Variants in KDM2B observed in about 807,000 individuals in gnomAD.
The protein encoded by KDM2B is lysine-specific demethylase 2B.
KDM2B carries 26 observed loss-of-function variants against 150.0 expected under a neutral mutation model. The ratio of observed to expected loss-of-function variants is 0.17; its 90% CI spans 0.13 to 0.24. The LOEUF (loss-of-function observed/expected upper bound fraction) is 0.24, where lower values mean the gene tolerates loss of function less well. KDM2B is among the 10% of genes least tolerant of loss of function. The pLI is 1.00. For missense variants in KDM2B, 1,265 were observed against 1,816.9 expected (o/e 0.70, Z 5.52); for synonymous variants, 734 against 729.5 (o/e 1.01, Z -0.10).
chr12:121,559,771 C>T (rs1555313548), intron 4 of KDM2B, among the ~76,000 whole-genome samples: 1 of 151,912 alleles, frequency 6.6e-6, no homozygotes, highest in Non-Finnish European at 1.5e-5. Context: ...GGCATGGTGG[C>T]GCATGCCTGT....
chr12:121,444,659 C>T (rs1243454189), intron 14 of KDM2B, 123 bp from the exon 15 acceptor site: 9 of 776,402 alleles, frequency 1.2e-5, no homozygotes, highest in East Asian at 2.6e-5. Flanking sequence ...ACATCTATCC[C>T]GTTTCCAGGC....
At chr12:121,557,370 T>A (rs544734276) in intron 4 of KDM2B, among the ~76,000 whole-genome samples, 2 of 151,474 alleles carry the variant, frequency 1.3e-5, no homozygotes, top group East Asian at 3.9e-4. Flanking sequence ...CCCGATTAGC[T>A]GGGATTACAG....
At chr12:121,495,430 G>T (rs1883823723) in intron 11 of KDM2B, among the ~76,000 whole-genome samples, 1 of 152,150 alleles carries the variant, frequency 6.6e-6, no homozygotes. Context: ...CAAAGTGCTG[G>T]GATTACAGGC....
intron 9 of KDM2B, chr12:121,516,887 A>G: frequency 1.5e-6 from 1 of 657,454 alleles, no homozygotes; most frequent in African/African-American, 1.9e-5. Context: ...AAAAAAAATC[A>G]ATGGAAAAAA....
chr12:121,410,022 G>T, the KDM2B span, among the ~76,000 whole-genome samples: 1 of 152,114 alleles, frequency 6.6e-6, no homozygotes, highest in South Asian at 2.1e-4. Context: ...GGGCATGGTG[G>T]CAGATGCCTG....
chr12:121,463,016 CA>C (rs376231867), intron 12 of KDM2B, among the ~76,000 whole-genome samples: 49,622 of 119,358 alleles, frequency 0.42, 8,638 homozygotes, highest in Admixed American at 0.45. Flanking sequence ...CCTGCCTCAG[CA>C]AAAAAAAAAA....
In KDM2B at chr12:121,467,341, A is replaced by G; in HGVS notation, c.1735-13997T>C. ...TCGGGCTCGGGCTCCCGCTGCCGCG[A>G]GGAGGGAGCCGCGCCGCGCGCCTCG... On this transcript the variant is annotated intron_variant, in intron 12 of 22. Coordinates refer to ENST00000377071, the MANE Select transcript of KDM2B (RefSeq NM_032590.5). The surrounding 1 kb of genome is among the most constrained non-coding windows in gnomAD (Gnocchi z 5.1). 1 of 980,104 alleles carries G rather than the reference A, an allele frequency of 1.0e-6. No individual in the cohort carries two copies. The highest frequency in any genetic ancestry group is 1.2e-6 in the Non-Finnish European group (1 of 828,014). 60.7% of individuals were successfully genotyped at this position (980,104 alleles called of 1,614,324 possible). A position where few individuals can be genotyped will look rare whatever the true frequency, so the allele number is the denominator to read the frequency against.
chr12:121,558,150 A>G (rs1026493061), intron 4 of KDM2B, among the ~76,000 whole-genome samples: 1 of 152,204 alleles, frequency 6.6e-6, no homozygotes, highest in Admixed American at 6.5e-5. Flanking sequence ...TCGCTACTCT[A>G]GTCCAGATTT....
intron 4 of KDM2B, among the ~76,000 whole-genome samples, chr12:121,570,336 G>C (rs1171740652): frequency 3.3e-5 from 5 of 152,062 alleles, no homozygotes; most frequent in African/African-American, 1.2e-4. Context: ...CCAAGCGTGA[G>C]CCACTGCGCC....
In KDM2B at chr12:121,452,877, G is replaced by A. The variant is rs1423352658; in HGVS notation, c.1959+243C>T. Among the ~76,000 whole-genome samples the A allele has an allele frequency of 6.6e-6, 1 of 152,206 alleles. No homozygotes were observed. Among genetic ancestry groups the A allele is most frequent in the Non-Finnish European group, 1.5e-5 (1 of 68,034 alleles). On this transcript the variant is annotated intron_variant, in intron 13 of 22. Coordinates refer to ENST00000377071, the MANE Select transcript of KDM2B (RefSeq NM_032590.5). This position sits in a 1 kb window ranked among gnomAD's most constrained non-coding sequence, Gnocchi z 4.4. Reference sequence around the variant, plus strand: ...GGCAACGGGGTCACAGACAGGACAGGCTGCCTGTCATCTTTAATGGCAGCA... The same window carrying A: ...GGCAACGGGGTCACAGACAGGACAGACTGCCTGTCATCTTTAATGGCAGCA...
chr12:121,579,501 C>A lies in KDM2B; in HGVS notation c.127-555G>T. 5.2e-6 allele frequency: 5 copies of A among 966,726 alleles called. No homozygotes were observed. The South Asian group carries it at 5.4e-5, about 10-fold the overall frequency. 59.9% of individuals were successfully genotyped at this position (966,726 alleles called of 1,614,324 possible). On this transcript the variant is annotated intron_variant, in intron 1 of 22. Coordinates refer to ENST00000377071, the MANE Select transcript of KDM2B (RefSeq NM_032590.5). The stretch of plus-strand genomic sequence containing the variant: ...GGGCTGAGACCCCAGCCGCCCCCGC[C>A]GCCCGCCCGCCAGTGCAAGAAGAGG...
chr12:121,429,824 C>T lies in KDM2B; in HGVS notation c.*464G>A, dbSNP rs1872731503. 5.4e-6 allele frequency: 3 copies of T among 554,984 alleles called. No individual in the cohort carries two copies. Among genetic ancestry groups the T allele is most frequent in the Non-Finnish European group, 9.5e-6 (3 of 314,612 alleles). The allele number at this position is 554,984 out of a possible 1,614,324, so 34.4% of individuals were successfully genotyped here. A position where few individuals can be genotyped will look rare whatever the true frequency, so the allele number is the denominator to read the frequency against. On this transcript the variant is annotated 3_prime_UTR_variant, in exon 23 of 23. Transcript: ENST00000377071. ...AACAATTTGTACAAAAATAGTTCTG[C>T]ATAATGTAAGATGTAACAAAACCAA... is the stretch of plus-strand genomic sequence containing the variant.
chr12:121,423,695 T>A, the KDM2B span: 1 of 858,512 alleles, frequency 1.2e-6, no homozygotes, highest in Non-Finnish European at 1.8e-6. The surrounding 1 kb of genome is among the most constrained non-coding windows in gnomAD (Gnocchi z 4.3). Context: ...TTATTTTGAC[T>A]ACTAAGTGGG....
downstream of KDM2B, among the ~76,000 whole-genome samples, chr12:121,428,667 C>T (rs1872635970): frequency 1.3e-5 from 2 of 152,188 alleles, no homozygotes; most frequent in South Asian, 4.1e-4. Context: ...GTGAATATGA[C>T]ATCGCCAGCA....
intron 13 of KDM2B, 44 bp from the exon 14 acceptor site, chr12:121,445,462 G>A: frequency 6.5e-7 from 1 of 1,537,542 alleles, no homozygotes; most frequent in Non-Finnish European, 8.8e-7. Flanking sequence ...GGGGTGGGGA[G>A]CACGGACCCC....
chr12:121,516,853 T>C, intron 9 of KDM2B: 1 of 658,452 alleles, frequency 1.5e-6, no homozygotes, highest in Admixed American at 2.6e-5. Flanking sequence ...GTCCTACAAT[T>C]TGTTTTTCTC....
At chr12:121,551,440 G>A (rs1016028522) in intron 4 of KDM2B, among the ~76,000 whole-genome samples, 6 of 150,828 alleles carry the variant, frequency 4.0e-5, no homozygotes, top group Non-Finnish European at 8.8e-5. Flanking sequence ...CAACCTCCCT[G>A]GCTCGAGGGA....
intron 12 of KDM2B, among the ~76,000 whole-genome samples, chr12:121,458,368 T>G (rs1878587593): frequency 6.6e-6 from 1 of 151,986 alleles, no homozygotes; most frequent in Admixed American, 6.5e-5. Flanking sequence ...GAATAAAACC[T>G]TGTCTCAAAA....
chr12:121,491,171 A>G (rs1373038429), intron 12 of KDM2B, among the ~76,000 whole-genome samples: 1 of 152,176 alleles, frequency 6.6e-6, no homozygotes, highest in East Asian at 1.9e-4. Context: ...TCACTGTGCA[A>G]TGACAGAAAC....
Sources: gnomAD v4.1 joint callset for allele counts (sites outside exome capture counted in the v4.1 genomes callset) on GRCh38, gnomAD v4.1.1 for gene constraint, Gnocchi (gnomAD v3.1) non-coding constraint, MANE v1.5 for transcripts, NCBI Gene and HGNC (gene_info 2026-07-23, HGNC 2026-07-21) for gene names.